SPTAN1: variants seen among roughly 807,000 people sequenced by gnomAD.
SPTAN1 encodes spectrin alpha, non-erythrocytic 1.
SPTAN1 carries 61 observed loss-of-function variants against 331.3 expected under a neutral mutation model. That is an observed-to-expected ratio of 0.18 (90% confidence interval 0.15 to 0.23). The LOEUF is 0.23. SPTAN1 is among the 10% of genes least tolerant of loss of function. The pLI, the probability that SPTAN1 is intolerant of heterozygous loss-of-function variation, is 1.00. For synonymous variants in SPTAN1, 1,153 were observed against 1,173.9 expected (o/e 0.98, Z 0.36); for missense variants, 2,043 against 3,147.9 (o/e 0.65, Z 8.40).
chr9:128,631,346 C>G (rs1859692918), intron 52 of SPTAN1: 1 of 152,266 alleles, frequency 6.6e-6, no homozygotes, highest in South Asian at 2.1e-4. Flanking sequence ...GTAATCCCAG[C>G]TACTCAGGAG....
chr9:128,562,917 A>C (rs1207326574), intron 1 of SPTAN1, among the ~76,000 whole-genome samples: 1 of 149,474 alleles, frequency 6.7e-6, no homozygotes, highest in African/African-American at 2.5e-5. Flanking sequence ...GTGAGCCGAG[A>C]TCACGCCACT....
At position 128,608,200 on chromosome 9, in the gene SPTAN1, A is replaced by G; in HGVS notation, c.4415A>G (p.Asp1472Gly). 1 of 1,614,200 alleles carries G rather than the reference A, an allele frequency of 6.2e-7. No individual in the cohort carries two copies. The highest frequency in any genetic ancestry group is 1.1e-5 in the South Asian group (1 of 91,088). The stretch of plus-strand genomic sequence containing the variant: ...CGGGAGGCCTTCTTGAATACCGAAG[A>G]CAAAGGAGACTCACTGGACAGCGTA... ...AAREAFLNTEDKGDSLDSVEA... is the reference protein window; with the variant it reads ...AAREAFLNTEGKGDSLDSVEA... The change falls in exon 34 of 57, where the codon GAC (aspartate) becomes GGC (glycine). Residue 1472 changes from aspartate (D) to glycine (G), a missense_variant. This residue lies in a region of SPTAN1 where 179 missense variants were observed against 215.7 expected (regional missense o/e 0.83). Coordinates refer to ENST00000372739, the MANE Select transcript of SPTAN1 (RefSeq NM_001130438.3).
In SPTAN1 at chr9:128,621,204, A is replaced by G; in HGVS notation, c.5780A>G (p.His1927Arg). ...GCTTTTGAGACAGACTTCACCGTCCACAAGGATCGCGTGAATGATGTCTGC... is the reference window on the plus strand; with the variant it reads ...GCTTTTGAGACAGACTTCACCGTCCGCAAGGATCGCGTGAATGATGTCTGC... ...HEAFETDFTV[H>R]KDRVNDVCTN... is the part of the protein sequence containing the mutation. Residue 1927 changes from histidine (H) to arginine (R), a missense_variant, in exon 45 of 57, where the codon CAC becomes CGC. His to Arg is a conservative substitution (Grantham distance 29). Transcript: ENST00000372739. The G allele has an allele frequency of 6.2e-7, 1 of 1,614,138 alleles. No individual in the cohort carries two copies. The highest frequency in any genetic ancestry group is 8.5e-7 in the Non-Finnish European group (1 of 1,180,042).
chr9:128,579,617 T>C lies in SPTAN1; in HGVS notation c.1222-20T>C, dbSNP rs1178798930. On this transcript the variant is annotated intron_variant, in intron 9 of 56. Coordinates refer to ENST00000372739, the MANE Select transcript of SPTAN1 (RefSeq NM_001130438.3). ...TAAGATGCTGGGCACAAATCATGGCTTTGTTTTTTTCTCCTGTAGGGTGAA... is the reference window on the plus strand; with the variant it reads ...TAAGATGCTGGGCACAAATCATGGCCTTGTTTTTTTCTCCTGTAGGGTGAA... 1.9e-6 allele frequency: 3 copies of C among 1,604,244 alleles called. No homozygotes were observed. The highest frequency in any genetic ancestry group is 1.1e-5 in the South Asian group (1 of 90,888).
At chr9:128,583,729 C>T in intron 15 of SPTAN1, 59 bp from the exon 16 acceptor site, 1 of 1,558,282 alleles carries the variant, frequency 6.4e-7, no homozygotes, top group South Asian at 1.1e-5. Context: ...TGTTCATGGG[C>T]AGTGTTGGCA....
At chr9:128,622,060 C>A (rs527376488) in intron 45 of SPTAN1, 1 of 152,610 alleles carries the variant, frequency 6.6e-6, no homozygotes, top group South Asian at 2.1e-4. Context: ...AGGGTTTGAT[C>A]CATAGGCAGC....
Position 128,591,521 on chromosome 9 carries a change from G to C in SPTAN1, c.3051G>C (p.Pro1017=), listed in dbSNP as rs140279996. 1 of 1,614,100 alleles carries C rather than the reference G, an allele frequency of 6.2e-7. No homozygotes were observed. Among genetic ancestry groups the C allele is most frequent in the South Asian group, 1.1e-5 (1 of 91,076 alleles). The part of the protein sequence containing the change: ...VEVNDRQGFV[P]AAYVKKLDPA... Reference sequence around the variant, plus strand: ...TGAACGATCGTCAGGGTTTTGTGCCGGCTGCGTACGTGAAGAAATTGGACC... The same window carrying C: ...TGAACGATCGTCAGGGTTTTGTGCCCGCTGCGTACGTGAAGAAATTGGACC... The change falls in exon 22 of 57, where the codon CCG becomes CCC. Residue 1017 remains proline, a synonymous_variant. Coordinates refer to ENST00000372739, the MANE Select transcript of SPTAN1 (RefSeq NM_001130438.3).
chr9:128,598,601 C>A, intron 25 of SPTAN1, 97 bp downstream of exon 25: 1 of 1,070,614 alleles, frequency 9.3e-7, no homozygotes, highest in Non-Finnish European at 1.4e-6. Flanking sequence ...TGTTTCATAA[C>A]ACAGAACTGT....
At chr9:128,566,152 G>A (rs1850010610) in intron 1 of SPTAN1, among the ~76,000 whole-genome samples, 1 of 152,186 alleles carries the variant, frequency 6.6e-6, no homozygotes, top group South Asian at 2.1e-4. Flanking sequence ...GAACTCCTGG[G>A]CTCAGGTGAT....
At chr9:128,633,187 G>C (rs1015871773) in intron 56 of SPTAN1, 22 bp from the exon 57 acceptor site, 2 of 1,613,756 alleles carry the variant, frequency 1.2e-6, no homozygotes, top group African/African-American at 1.3e-5. Context: ...TCAGGCACCA[G>C]GTGCCATCTC....
At chr9:128,569,004 T>C in intron 3 of SPTAN1, 107 bp downstream of exon 3, 2 of 1,482,548 alleles carry the variant, frequency 1.3e-6, no homozygotes, top group South Asian at 2.3e-5. Flanking sequence ...TTTTCCAGCT[T>C]TTAAAAGAAT....
chr9:128,608,866 T>C lies in SPTAN1; in HGVS notation c.4492-8T>C, dbSNP rs778949349. The C allele has an allele frequency of 9.9e-6, 16 of 1,613,404 alleles. No homozygotes were observed. In the African/African-American group the frequency reaches 1.9e-4, roughly 19 times the overall value. ...CCACCTTGATCTCATGCCTTTGTTT[T>C]CTGACAGGAAGAGAAGATTGCTGCT... On this transcript the variant is annotated splice_region_variant and splice_polypyrimidine_tract_variant and intron_variant, in intron 34 of 56. Transcript: ENST00000372739.
chr9:128,624,672 C>T, intron 46 of SPTAN1, 185 bp downstream of exon 46: 1 of 711,936 alleles, frequency 1.4e-6, no homozygotes, highest in South Asian at 1.8e-5. Flanking sequence ...AGAACTGCCA[C>T]CCGGAACTGG....
At chr9:128,554,864 G>C (rs1848470687) in intron 1 of SPTAN1, among the ~76,000 whole-genome samples, 1 of 152,192 alleles carries the variant, frequency 6.6e-6, no homozygotes, top group African/African-American at 2.4e-5. Context: ...TTTTGAACAG[G>C]AAATAGTATT....
chr9:128,563,412 C>CA (rs1172325553), intron 1 of SPTAN1, among the ~76,000 whole-genome samples: 1 of 149,526 alleles, frequency 6.7e-6, no homozygotes, highest in African/African-American at 2.5e-5. Flanking sequence ...GAGACCCTGC[C>CA]AAAAAACAAA....
In SPTAN1 at chr9:128,594,357, T is replaced by C; in HGVS notation, c.3398T>C (p.Phe1133Ser). Reference sequence around the variant, plus strand: ...CAGGTTGAGGTGCTCCAGAAGAAGTTTGATGACTTCCAGAAGGTATGGGCA... The same window carrying C: ...CAGGTTGAGGTGCTCCAGAAGAAGTCTGATGACTTCCAGAAGGTATGGGCA... ...LEQVEVLQKK[F>S]DDFQKDLKAN... Residue 1133 changes from phenylalanine to serine, a missense_variant, in exon 24 of 57, where the codon TTT (phenylalanine) becomes TCT (serine). This residue lies in a region of SPTAN1 where 1,038 missense variants were observed against 1,531.5 expected (regional missense o/e 0.68). Coordinates refer to ENST00000372739, the MANE Select transcript of SPTAN1 (RefSeq NM_001130438.3). 1 of 1,613,906 alleles carries C rather than the reference T, an allele frequency of 6.2e-7. No homozygotes were observed. The highest frequency in any genetic ancestry group is 1.3e-5 in the African/African-American group (1 of 74,978).
At position 128,568,760 on chromosome 9, in the gene SPTAN1, G is replaced by C; in HGVS notation, c.238-12G>C. ...GGTTGCGTCTGAGGCTCACTTCAAG[G>C]TCCGCCAACAGGGAAAGCTTCAGAA... On this transcript the variant is annotated splice_polypyrimidine_tract_variant and intron_variant, in intron 2 of 56. Transcript: ENST00000372739. 2.5e-6 allele frequency: 4 copies of C among 1,613,928 alleles called. No homozygotes were observed. Among genetic ancestry groups the C allele is most frequent in the Non-Finnish European group, 3.4e-6 (4 of 1,179,932 alleles).
At chr9:128,626,042 T>C (rs1858686975) in intron 48 of SPTAN1, 64 bp downstream of exon 48, 3 of 1,569,658 alleles carry the variant, frequency 1.9e-6, no homozygotes, top group Non-Finnish European at 2.6e-6. Context: ...CCACCTTCTG[T>C]CTGCCCAGCT....
Position 128,608,918 on chromosome 9 carries a change from C to A in SPTAN1, c.4536C>A (p.Ile1512=). The part of the protein sequence containing the change: ...AALQAFADQL[I]AAGHYAKGDI... ...TGCAGGCCTTTGCCGACCAGCTCAT[C>A]GCTGCCGGCCATTATGCCAAGGGAG... The change falls in exon 35 of 57, where the codon ATC becomes ATA. Residue 1512 remains isoleucine (I), a synonymous_variant. Coordinates refer to ENST00000372739, the MANE Select transcript of SPTAN1 (RefSeq NM_001130438.3). The A allele has an allele frequency of 6.2e-7, 1 of 1,614,204 alleles. No individual in the cohort carries two copies. Among genetic ancestry groups the A allele is most frequent in the South Asian group, 1.1e-5 (1 of 91,076 alleles).
Sources: allele counts gnomAD v4.1 joint callset (sites outside exome capture counted in the v4.1 genomes callset), GRCh38; gene constraint gnomAD v4.1.1; regional missense constraint gnomAD v4.1.1; transcripts MANE v1.5; gene names NCBI Gene and HGNC (gene_info 2026-07-23, HGNC 2026-07-21).